Variants in ADAMTS12 observed in about 807,000 individuals in gnomAD.
The protein encoded by ADAMTS12 is ADAM metallopeptidase with thrombospondin type 1 motif 12.
ADAMTS12 carries 118 observed loss-of-function variants against 167.8 expected under a neutral mutation model. The observed-to-expected ratio is 0.70, with a 90% CI of 0.61 to 0.82. ADAMTS12 has a LOEUF of 0.82. ADAMTS12 is among the 40% of genes least tolerant of loss of function. The pLI is 0.00. For synonymous variants in ADAMTS12, 704 were observed against 716.9 expected (o/e 0.98, Z 0.29); for missense variants, 1,916 against 1,998.8 (o/e 0.96, Z 0.79).
Position 33,769,512 on chromosome 5 carries a change from C to T in ADAMTS12, c.490-17964G>A, listed in dbSNP as rs374781332. Among the ~76,000 whole-genome samples the T allele has an allele frequency of 2.6e-3, 399 of 152,310 alleles. 8 individuals are homozygous for T. In the South Asian group the frequency reaches 0.08, roughly 31 times the overall value. ...AATCTAGACTAAAGCCTCTGCAAGACTTAAAATGAGTCCATTTTATTCACT... is the reference window on the plus strand; with the variant it reads ...AATCTAGACTAAAGCCTCTGCAAGATTTAAAATGAGTCCATTTTATTCACT... On this transcript the variant is annotated intron_variant, in intron 2 of 23. Transcript: ENST00000504830.
intron 3 of ADAMTS12, among the ~76,000 whole-genome samples, chr5:33,691,530 T>C (rs147525316): frequency 5.3e-5 from 8 of 152,284 alleles, no homozygotes; most frequent in African/African-American, 1.7e-4. Context: ...TTAAGGACAG[T>C]TTCCATCTTG....
intron 3 of ADAMTS12, among the ~76,000 whole-genome samples, chr5:33,741,233 C>T (rs894199239): frequency 6.6e-5 from 10 of 152,300 alleles, no homozygotes; most frequent in South Asian, 2.1e-4. Flanking sequence ...CACAGACTGG[C>T]GGCCCAAACC....
intron 7 of ADAMTS12, among the ~76,000 whole-genome samples, chr5:33,654,448 G>A (rs181485448): frequency 1.3e-5 from 2 of 152,234 alleles, no homozygotes; most frequent in East Asian, 3.9e-4. Context: ...GGAGGGGAAG[G>A]GAGTGGGGCC....
chr5:33,748,937 C>T (rs1579902610), intron 3 of ADAMTS12, among the ~76,000 whole-genome samples: 1 of 152,148 alleles, frequency 6.6e-6, no homozygotes, highest in East Asian at 1.9e-4. Flanking sequence ...TTCACAAGCA[C>T]ATTAGCAATT....
chr5:33,865,735 C>A (rs753773363), intron 2 of ADAMTS12, among the ~76,000 whole-genome samples: 1 of 152,102 alleles, frequency 6.6e-6, no homozygotes, highest in Non-Finnish European at 1.5e-5. Context: ...TCAAAAGACT[C>A]CTAGATTTGA....
intron 19 of ADAMTS12, among the ~76,000 whole-genome samples, chr5:33,564,780 C>A (rs894421332): frequency 2.0e-5 from 3 of 152,150 alleles, no homozygotes; most frequent in African/African-American, 7.2e-5. Flanking sequence ...CTAGTTGCCG[C>A]CCCTTCCCCA....
At chr5:33,689,909 G>C (rs1742490180) in intron 3 of ADAMTS12, among the ~76,000 whole-genome samples, 1 of 152,242 alleles carries the variant, frequency 6.6e-6, no homozygotes, top group Admixed American at 6.5e-5. Context: ...TGGGGTCATG[G>C]GGTGTGGTGG....
At chr5:33,734,881 T>C (rs1201668675) in intron 3 of ADAMTS12, among the ~76,000 whole-genome samples, 1 of 152,238 alleles carries the variant, frequency 6.6e-6, no homozygotes, top group Admixed American at 6.5e-5. Flanking sequence ...TGTAACTCTT[T>C]GGCTCTCAAA....
At chr5:33,648,229 T>TA (rs1400807662) in intron 9 of ADAMTS12, among the ~76,000 whole-genome samples, 2 of 152,180 alleles carry the variant, frequency 1.3e-5, no homozygotes, top group Non-Finnish European at 2.9e-5. Flanking sequence ...ATTGTGTTTT[T>TA]AAAAAATAAC....
At chr5:33,605,957 C>CTT (rs5867195) in intron 16 of ADAMTS12, among the ~76,000 whole-genome samples, 4 of 151,540 alleles carry the variant, frequency 2.6e-5, no homozygotes, top group Admixed American at 6.6e-5. Context: ...ACAATCCTCT[C>CTT]TTTTTTTTGA....
At chr5:33,612,127 T>C (rs924080457) in intron 16 of ADAMTS12, among the ~76,000 whole-genome samples, 2 of 152,254 alleles carry the variant, frequency 1.3e-5, no homozygotes, top group Non-Finnish European at 2.9e-5. Context: ...AGTATTACAG[T>C]AGATATGCTG....
At chr5:33,846,920 T>C (rs1561304690) in intron 2 of ADAMTS12, among the ~76,000 whole-genome samples, 1 of 152,198 alleles carries the variant, frequency 6.6e-6, no homozygotes, top group Non-Finnish European at 1.5e-5. Context: ...TGTAGCAATA[T>C]TGCTTCTTTC....
At chr5:33,888,841 CA>C (rs1750740941) in intron 1 of ADAMTS12, among the ~76,000 whole-genome samples, 2 of 152,192 alleles carry the variant, frequency 1.3e-5, no homozygotes, top group African/African-American at 4.8e-5. Flanking sequence ...GTGTAAGTCA[CA>C]GCACATTCCT....
intron 20 of ADAMTS12, among the ~76,000 whole-genome samples, chr5:33,554,080 T>C (rs1745381676): frequency 6.6e-6 from 1 of 152,182 alleles, no homozygotes; most frequent in Non-Finnish European, 1.5e-5. Flanking sequence ...TTGTCTACAA[T>C]CTAGTGAGGA....
rs372227698 is a variant in ADAMTS12 at position 33,586,507 on chromosome 5, A to G, written c.2865+2092T>C. ...AATCACAGACCCAAGTGCTTCTTACATCATGCCAACTTTTTGGTCTCTTGT... is the reference window on the plus strand; with the variant it reads ...AATCACAGACCCAAGTGCTTCTTACGTCATGCCAACTTTTTGGTCTCTTGT... On this transcript the variant is annotated intron_variant, in intron 18 of 23. Coordinates refer to ENST00000504830, the MANE Select transcript of ADAMTS12 (RefSeq NM_030955.4). Among the ~76,000 whole-genome samples the G allele has an allele frequency of 2.0e-4, 30 of 152,346 alleles. No individual in the cohort carries two copies. The East Asian group carries it at 3.9e-3, about 20-fold the overall frequency.
At chr5:33,607,304 G>C (rs1007701289) in intron 16 of ADAMTS12, among the ~76,000 whole-genome samples, 1 of 152,024 alleles carries the variant, frequency 6.6e-6, no homozygotes, top group African/African-American at 2.4e-5. Context: ...TCTCATTACT[G>C]AAACAAAAAT....
intron 19 of ADAMTS12, among the ~76,000 whole-genome samples, chr5:33,572,850 C>A: frequency 7.9e-6 from 1 of 126,936 alleles, no homozygotes; most frequent in African/African-American, 3.3e-5. Flanking sequence ...CTAGAAAACC[C>A]CATCGTCTCA....
intron 3 of ADAMTS12, among the ~76,000 whole-genome samples, chr5:33,719,764 A>G (rs1743743860): frequency 6.6e-6 from 1 of 152,244 alleles, no homozygotes; most frequent in East Asian, 1.9e-4. Flanking sequence ...GGAAGCATGG[A>G]AAACAGCAAC....
intron 16 of ADAMTS12, among the ~76,000 whole-genome samples, chr5:33,613,843 T>A (rs985319419): frequency 5.9e-5 from 9 of 152,178 alleles, no homozygotes; most frequent in African/African-American, 2.2e-4. Context: ...GGGTTAGGAA[T>A]CAGAAGAGCT....
Sources: allele counts gnomAD v4.1 joint callset (sites outside exome capture counted in the v4.1 genomes callset), GRCh38; gene constraint gnomAD v4.1.1; transcripts MANE v1.5; gene names NCBI Gene and HGNC (gene_info 2026-07-23, HGNC 2026-07-21).